The following TBX20 variants were observed in gnomAD, a reference collection of about 807,000 sequenced individuals.
The protein encoded by TBX20 is T-box transcription factor TBX20.
TBX20 carries 8 observed loss-of-function variants against 42.9 expected under a neutral mutation model. The ratio of observed to expected loss-of-function variants is 0.19; its 90% confidence interval spans 0.11 to 0.34. The LOEUF is 0.34. Among genes scored for constraint, TBX20 ranks in the 10% least tolerant of loss-of-function variants. The pLI is 1.00. For synonymous variants in TBX20, 198 were observed against 222.8 expected, an observed-to-expected ratio of 0.89 and a Z score of 0.99; for missense variants, 411 against 566.0, an observed-to-expected ratio of 0.73 and a Z score of 2.78.
At chr7:35,212,234 A>C (rs578214704) in intron 6 of TBX20, among the ~76,000 whole-genome samples, 2 of 152,120 alleles carry the variant, frequency 1.3e-5, no homozygotes, top group Non-Finnish European at 2.9e-5. Flanking sequence ...TTTTCATTTT[A>C]TACATTGCAG....
Position 35,253,592 on chromosome 7 carries a change from T to C in TBX20, c.29A>G (p.Gln10Arg). 6.2e-7 allele frequency: 1 copy of C among 1,612,048 alleles called. No individual in the cohort carries two copies. Among genetic ancestry groups the C allele is most frequent in the Admixed American group, 1.7e-5 (1 of 60,020 alleles). Residue 10 changes from glutamine to arginine, a missense_variant, in exon 1 of 8, where the codon CAA (glutamine) becomes CGA (arginine). By Grantham distance (43) the Gln-to-Arg change is conservative. Around this residue, in one of 5 missense-constraint regions of TBX20, gnomAD observed 114 missense variants for 128.0 expected, o/e 0.89. Transcript: ENST00000408931. ...GAAGGCGTTGGCCCGAGAGGAGAGTTGGGGCTTGGGGGACGCCGTGAACTC... is the reference window on the plus strand; with the variant it reads ...GAAGGCGTTGGCCCGAGAGGAGAGTCGGGGCTTGGGGGACGCCGTGAACTC... MEFTASPKP[Q>R]LSSRANAFSI... is the part of the protein sequence containing the mutation.
chr7:35,220,376 C>T (rs1221402019), intron 6 of TBX20, among the ~76,000 whole-genome samples: 1 of 152,220 alleles, frequency 6.6e-6, no homozygotes, highest in African/African-American at 2.4e-5. Context: ...TGTGGGCCAT[C>T]ACCATGGCCA....
At chr7:35,216,866 T>C (rs1562559063) in intron 6 of TBX20, among the ~76,000 whole-genome samples, 1 of 152,200 alleles carries the variant, frequency 6.6e-6, no homozygotes, top group East Asian at 1.9e-4. Context: ...ATGTTGTTTT[T>C]GCTCATTAAT....
At chr7:35,202,904 A>C in intron 7 of TBX20, 134 bp from the exon 8 acceptor site, 1 of 1,495,096 alleles carries the variant, frequency 6.7e-7, no homozygotes, top group Non-Finnish European at 9.1e-7. Context: ...AACACATATG[A>C]GATCTGTCAC....
Position 35,253,535 on chromosome 7 carries a change from G to C in TBX20, c.86C>G (p.Ser29Cys), listed in dbSNP as rs13237089. Residue 29 changes from serine (S) to cysteine (C), a missense_variant, in exon 1 of 8, where the codon TCT becomes TGT. Around this residue, in one of 5 missense-constraint regions of TBX20, gnomAD observed 114 missense variants for 128.0 expected, o/e 0.89. Coordinates refer to ENST00000408931, the MANE Select transcript of TBX20 (RefSeq NM_001077653.2). The stretch of plus-strand genomic sequence containing the variant: ...GTTCTCCGTCGCCTCCTTCTCCTTA[G>C]AGCCGCCGCTCGACATGAGCGCGGC... ...SIAALMSSGG[S>C]KEKEATENTI... is the part of the protein sequence containing the mutation. The C allele has an allele frequency of 7.3e-5, 118 of 1,612,588 alleles. No individual in the cohort carries two copies. Among genetic ancestry groups the C allele is most frequent in the Non-Finnish European group, 9.1e-5 (107 of 1,179,926 alleles).
intron 5 of TBX20, among the ~76,000 whole-genome samples, chr7:35,238,264 C>T (rs1371747756): frequency 1.3e-5 from 2 of 152,052 alleles, no homozygotes; most frequent in African/African-American, 4.8e-5. Context: ...TGAGAGGTCC[C>T]GCCAACACTT....
At chr7:35,209,751 T>C (rs1226408407) in intron 6 of TBX20, among the ~76,000 whole-genome samples, 1 of 152,242 alleles carries the variant, frequency 6.6e-6, no homozygotes, top group Non-Finnish European at 1.5e-5. Flanking sequence ...GATGAGGTTA[T>C]TGATTTGGGA....
intron 1 of TBX20, 136 bp from the exon 2 acceptor site, chr7:35,250,339 G>A (rs1790281942): frequency 9.5e-7 from 1 of 1,058,134 alleles, no homozygotes. Flanking sequence ...CAGGCTGTAG[G>A]GATGACCCAT....
intron 3 of TBX20, among the ~76,000 whole-genome samples, chr7:35,246,650 C>T (rs866312453): frequency 6.6e-6 from 1 of 152,040 alleles, no homozygotes; most frequent in Non-Finnish European, 1.5e-5. Context: ...TTATTTCTTC[C>T]GATTAGGAAT....
At chr7:35,230,022 A>G (rs1293757998) in intron 6 of TBX20, among the ~76,000 whole-genome samples, 2 of 151,952 alleles carry the variant, frequency 1.3e-5, no homozygotes, top group Admixed American at 6.6e-5. Context: ...GTGTACCCCC[A>G]TGGTCTGAGA....
intron 6 of TBX20, among the ~76,000 whole-genome samples, chr7:35,209,387 C>G (rs1789456372): frequency 1.3e-5 from 2 of 152,064 alleles, no homozygotes; most frequent in African/African-American, 4.8e-5. Flanking sequence ...CTTGAATGAG[C>G]TTTGGTAGAT....
chr7:35,243,629 C>A (rs554737634), intron 4 of TBX20, among the ~76,000 whole-genome samples: 2 of 151,900 alleles, frequency 1.3e-5, no homozygotes, highest in African/African-American at 4.8e-5. Flanking sequence ...TGATCACTGA[C>A]CTACAAAAAA....
intron 6 of TBX20, among the ~76,000 whole-genome samples, chr7:35,214,994 T>G (rs1258614133): frequency 6.6e-6 from 1 of 152,124 alleles, no homozygotes; most frequent in East Asian, 1.9e-4. Flanking sequence ...ATTTGTTTTT[T>G]AAAAAAAGAG....
intron 6 of TBX20, among the ~76,000 whole-genome samples, chr7:35,226,412 A>G (rs1486391258): frequency 2.6e-5 from 4 of 151,846 alleles, no homozygotes; most frequent in Non-Finnish European, 4.4e-5. Flanking sequence ...TCCAAAAAAA[A>G]AAAAAAAAAC....
chr7:35,205,833 A>G (rs945812635), intron 6 of TBX20, among the ~76,000 whole-genome samples: 3 of 152,230 alleles, frequency 2.0e-5, no homozygotes, highest in Non-Finnish European at 2.9e-5. Flanking sequence ...TAGAGTAAGA[A>G]TAAAGTACCA....
At chr7:35,243,028 A>G (rs1790113421) in intron 4 of TBX20, among the ~76,000 whole-genome samples, 1 of 152,144 alleles carries the variant, frequency 6.6e-6, no homozygotes, top group African/African-American at 2.4e-5. Context: ...CCCAGGCTGA[A>G]TTGCAGTGGC....
intron 6 of TBX20, among the ~76,000 whole-genome samples, chr7:35,207,053 A>G (rs1789412304): frequency 6.6e-6 from 1 of 152,182 alleles, no homozygotes; most frequent in African/African-American, 2.4e-5. Flanking sequence ...TGAAATGACT[A>G]AATTGCATAT....
chr7:35,208,729 C>T (rs376240163), intron 6 of TBX20, among the ~76,000 whole-genome samples: 12 of 85,808 alleles, frequency 1.4e-4, no homozygotes, highest in South Asian at 8.1e-4. Context: ...GCAACAAGAG[C>T]GAAACTCCGT....
Position 35,253,795 on chromosome 7 carries a change from T to C in TBX20, c.-175A>G, listed in dbSNP as rs1790355539. 1 of 726,704 alleles carries C rather than the reference T, an allele frequency of 1.4e-6. No homozygotes were observed. 45.0% of individuals were successfully genotyped at this position (726,704 alleles called of 1,614,324 possible). On this transcript the variant is annotated 5_prime_UTR_variant, in exon 1 of 8. Coordinates refer to ENST00000408931, the MANE Select transcript of TBX20 (RefSeq NM_001077653.2). ...CTCCAGAGCTGCACACTGGCCTCTA[T>C]TCCCCACCGCAAAGCCCCAGAGCCG... is the stretch of plus-strand genomic sequence containing the variant.
Sources: allele counts gnomAD v4.1 joint callset (sites outside exome capture counted in the v4.1 genomes callset), GRCh38; gene constraint gnomAD v4.1.1; regional missense constraint gnomAD v4.1.1; transcripts MANE v1.5; gene names NCBI Gene and HGNC (gene_info 2026-07-23, HGNC 2026-07-21).